Variants in MEST observed in about 807,000 individuals in gnomAD.
The protein encoded by MEST is mesoderm-specific transcript homolog protein.
A neutral mutation model predicts 50.9 loss-of-function variants in MEST; 18 were observed. That is an observed-to-expected ratio of 0.35 (90% CI 0.24 to 0.52). The LOEUF is 0.52. MEST is among the 20% of genes least tolerant of loss of function. The pLI is 0.94. For missense variants in MEST, 282 were observed against 425.3 expected (o/e 0.66, Z 2.96); for synonymous variants, 130 against 154.1 (o/e 0.84, Z 1.16).
In MEST at chr7:130,492,267, C is replaced by T. The variant is rs782653393; in HGVS notation, c.-47C>T. 1.5e-6 allele frequency: 2 copies of T among 1,337,258 alleles called. No individual in the cohort carries two copies. The highest frequency in any genetic ancestry group is 9.6e-7 in the Non-Finnish European group (1 of 1,046,108). The allele number at this position is 1,337,258 out of a possible 1,614,324, so 82.8% of individuals were successfully genotyped here. On this transcript the variant is annotated 5_prime_UTR_variant, in exon 1 of 12. Coordinates refer to ENST00000223215, the MANE Select transcript of MEST (RefSeq NM_002402.4). The surrounding 1 kb of genome is among the most constrained non-coding windows in gnomAD (Gnocchi z 7.6). ...CTGCACGGCTGCGGGCTCTGCGGCG[C>T]CCGGTGCTCTGCAACGCTGCGGCGG...
In MEST at chr7:130,498,016, A is replaced by G; in HGVS notation, c.339+3A>G. On this transcript the variant is annotated splice_donor_region_variant and intron_variant, in intron 4 of 11. Coordinates refer to ENST00000223215, the MANE Select transcript of MEST (RefSeq NM_002402.4). The stretch of plus-strand genomic sequence containing the variant: ...GCTTTGGCTTCAGTGACAAACCGGT[A>G]AGCAGCACCTATGTGGGGCTGGTGA... 1 of 1,614,124 alleles carries G rather than the reference A, an allele frequency of 6.2e-7. No individual in the cohort carries two copies. Among genetic ancestry groups the G allele is most frequent in the South Asian group, 1.1e-5 (1 of 91,078 alleles).
chr7:130,503,687 C>T (rs1370025555), intron 10 of MEST, among the ~76,000 whole-genome samples: 6 of 151,988 alleles, frequency 3.9e-5, no homozygotes, highest in Non-Finnish European at 8.8e-5. Context: ...TGTTGCACAC[C>T]TGTATGTAGT....
intron 1 of MEST, among the ~76,000 whole-genome samples, chr7:130,494,277 A>T (rs548428242): frequency 6.6e-6 from 1 of 152,336 alleles, no homozygotes; most frequent in African/African-American, 2.4e-5. Flanking sequence ...TTTAGCAATT[A>T]ATTTATTTCA....
chr7:130,495,777 AGTT>A (rs1799027347), intron 2 of MEST: 11 of 201,972 alleles, frequency 5.4e-5, no homozygotes, highest in Non-Finnish European at 9.2e-6. Flanking sequence ...TTCCAATATT[AGTT>A]TTTTTTTTTT....
rs1554438396 is a variant in MEST at position 130,500,990 on chromosome 7, A to C, written c.749+100A>C. Reference sequence around the variant, plus strand: ...TGCTGGCTTATTCCCTATCACAGGAAGGCTGATGATGACCTATGGGGCAAA... The same window carrying C: ...TGCTGGCTTATTCCCTATCACAGGACGGCTGATGATGACCTATGGGGCAAA... On this transcript the variant is annotated intron_variant, in intron 9 of 11. Coordinates refer to ENST00000223215, the MANE Select transcript of MEST (RefSeq NM_002402.4). The surrounding 1 kb of genome is among the most constrained non-coding windows in gnomAD (Gnocchi z 5.0). The C allele has an allele frequency of 9.9e-6, 10 of 1,011,880 alleles. No individual in the cohort carries two copies. Among genetic ancestry groups the C allele is most frequent in the Non-Finnish European group, 1.5e-5 (10 of 681,984 alleles). The allele number at this position is 1,011,880 out of a possible 1,614,324, so 62.7% of individuals were successfully genotyped here. A position where few individuals can be genotyped will look rare whatever the true frequency, so the allele number is the denominator to read the frequency against.
intron 2 of MEST, chr7:130,495,811 A>C (rs1243561425): frequency 1.7e-5 from 4 of 235,724 alleles, no homozygotes. Flanking sequence ...CTGTCAGGTA[A>C]TATATAAAAT....
rs1273588248 is a variant in MEST, at chr7:130,497,104, G to A, written c.182-52G>A. The A allele has an allele frequency of 2.1e-6, 3 of 1,431,298 alleles. No homozygotes were observed. In the African/African-American group the frequency reaches 4.3e-5, roughly 20 times the overall value. The allele number at this position is 1,431,298 out of a possible 1,614,324, so 88.7% of individuals were successfully genotyped here. ...ATTACTTAGATTTTAACATCTTCGA[G>A]GTTATTTTTATAGGGATTTGGCATA... On this transcript the variant is annotated intron_variant, in intron 2 of 11. Transcript: ENST00000223215. This position sits in a 1 kb window ranked among gnomAD's most constrained non-coding sequence, Gnocchi z 4.0.
chr7:130,502,243 A>G (rs1382998312), intron 9 of MEST, among the ~76,000 whole-genome samples: 1 of 152,142 alleles, frequency 6.6e-6, no homozygotes, highest in Non-Finnish European at 1.5e-5. Context: ...TAAAAAACAA[A>G]CCAACAAATG....
chr7:130,493,594 A>T (rs1244265849), intron 1 of MEST, among the ~76,000 whole-genome samples: 4 of 151,946 alleles, frequency 2.6e-5, no homozygotes, highest in African/African-American at 9.7e-5. Context: ...GGTGTCCAGG[A>T]GTGGAGTATG....
rs1378259205 is a variant in MEST, at chr7:130,505,588, T to TTTAG, written c.*536_*539dup. The TTTAG allele has an allele frequency of 3.3e-5, 5 of 152,554 alleles. No homozygotes were observed. Among genetic ancestry groups the TTTAG allele is most frequent in the African/African-American group, 1.2e-4 (5 of 41,446 alleles). The allele number at this position is 152,554 out of a possible 1,614,324, so 9.5% of individuals were successfully genotyped here. On this transcript the variant is annotated 3_prime_UTR_variant, in exon 12 of 12. Transcript: ENST00000223215. ...TGGATTTAGTGTTTCATCAGCTGTT[T>TTTAG]TTAGTTATAAACATTTTGTTAAAAT...
chr7:130,490,536 C>T (rs558563665), upstream of MEST, among the ~76,000 whole-genome samples: 5 of 152,274 alleles, frequency 3.3e-5, no homozygotes, highest in East Asian at 9.6e-4. Flanking sequence ...GCTTTGTGGC[C>T]GGCACCGTGG....
At chr7:130,503,892 G>T (rs782453778) in intron 10 of MEST, 41 bp from the exon 11 acceptor site, 78 of 1,446,522 alleles carry the variant, frequency 5.4e-5, no homozygotes, top group Non-Finnish European at 7.1e-5. Context: ...TAGAACAGAT[G>T]TGAGAGCTGT....
chr7:130,503,215 T>A (rs1563027489), intron 10 of MEST, among the ~76,000 whole-genome samples: 1 of 152,344 alleles, frequency 6.6e-6, no homozygotes, highest in Non-Finnish European at 1.5e-5. Context: ...TAAAAAAAAA[T>A]TATGGTGTTT....
At chr7:130,488,657 A>C (rs868915292), upstream of MEST, 2 of 152,216 alleles carry the variant, frequency 1.3e-5, no homozygotes, top group African/African-American at 4.8e-5. Flanking sequence ...AGGATCAGGG[A>C]TATGTTGGGT....
chr7:130,495,409 C>G lies in MEST; in HGVS notation c.68C>G (p.Pro23Arg). 1 of 1,613,358 alleles carries G rather than the reference C, an allele frequency of 6.2e-7. No individual in the cohort carries two copies. The highest frequency in any genetic ancestry group is 1.1e-5 in the South Asian group (1 of 90,928). Residue 23 changes from proline (P) to arginine (R), a missense_variant, in exon 2 of 12, where the codon CCC becomes CGC. Physicochemically the swap from Pro to Arg is moderately radical, Grantham distance 103. Coordinates refer to ENST00000223215, the MANE Select transcript of MEST (RefSeq NM_002402.4). ...WWVQVGLLAV[P>R]LLAAYLHIPP... ...GTCCAGGTGGGGCTGCTGGCCGTGC[C>G]CCTGCTTGCTGCGTACCTGCACATC...
rs1427437957 is a variant in MEST, at chr7:130,492,086, G to C, written c.-228G>C. The C allele has an allele frequency of 2.3e-5, 6 of 259,788 alleles. No individual in the cohort carries two copies. In the Admixed American group the frequency reaches 3.3e-4, roughly 14 times the overall value. The allele number at this position is 259,788 out of a possible 1,614,324, so 16.1% of individuals were successfully genotyped here. On this transcript the variant is annotated 5_prime_UTR_variant, in exon 1 of 12. Transcript: ENST00000223215. The surrounding 1 kb of genome is among the most constrained non-coding windows in gnomAD (Gnocchi z 7.6). ...AGTCGGTGCCCACTCGCTCCGCGCTGCCGCGGCAACCAGCACACCCCGGCA... is the reference window on the plus strand; with the variant it reads ...AGTCGGTGCCCACTCGCTCCGCGCTCCCGCGGCAACCAGCACACCCCGGCA...
intron 1 of MEST, chr7:130,486,905 T>G (rs1321729052): frequency 6.5e-6 from 1 of 152,808 alleles, no homozygotes; most frequent in Non-Finnish European, 1.5e-5. Flanking sequence ...GCTGCAGGTG[T>G]CGGTCCAGGT....
chr7:130,503,297 G>A (rs139214752), intron 10 of MEST, among the ~76,000 whole-genome samples: 1 of 152,342 alleles, frequency 6.6e-6, no homozygotes, highest in East Asian at 1.9e-4. Flanking sequence ...TAACTGAAGA[G>A]AGACTTAAAG....
chr7:130,500,096 A>G lies in MEST; in HGVS notation c.576+181A>G, dbSNP rs1554438168. 1.7e-6 allele frequency: 1 copy of G among 582,588 alleles called. No homozygotes were observed. Among genetic ancestry groups the G allele is most frequent in the Non-Finnish European group, 3.0e-6 (1 of 335,972 alleles). The allele number at this position is 582,588 out of a possible 1,614,324, so 36.1% of individuals were successfully genotyped here. On this transcript the variant is annotated intron_variant, in intron 7 of 11. Coordinates refer to ENST00000223215, the MANE Select transcript of MEST (RefSeq NM_002402.4). This position sits in a 1 kb window ranked among gnomAD's most constrained non-coding sequence, Gnocchi z 5.0. ...AACTAAAGCAGAGGCAGTGGCCCCT[A>G]CGTAAACCCAAAACCAATCCTAAGA...
Sources: allele counts gnomAD v4.1 joint callset (sites outside exome capture counted in the v4.1 genomes callset), GRCh38; gene constraint gnomAD v4.1.1; non-coding constraint Gnocchi (gnomAD v3.1); transcripts MANE v1.5; gene names NCBI Gene and HGNC (gene_info 2026-07-23, HGNC 2026-07-21).